The following NLGN4X variants were observed in gnomAD, a reference collection of about 807,000 sequenced individuals.
The protein encoded by NLGN4X is neuroligin 4 X-linked.
NLGN4X carries 3 observed loss-of-function variants against 40.3 expected under a neutral mutation model. The observed-to-expected ratio is 0.07, with a 90% CI of 0.03 to 0.19. The LOEUF is 0.19. Among genes scored for constraint, NLGN4X ranks in the 10% least tolerant of loss-of-function variants. The pLI, the probability that NLGN4X is intolerant of heterozygous loss-of-function variation, is 1.00. For missense variants in NLGN4X, 382 were observed against 708.3 expected (o/e 0.54, Z 5.23); for synonymous variants, 270 against 306.8 (o/e 0.88, Z 1.25).
At chrX:6,042,355 A>AAT (rs2037179956) in intron 2 of NLGN4X, among the ~76,000 whole-genome samples, 1 of 110,166 alleles carries the variant, frequency 9.1e-6, no homozygotes, top group South Asian at 3.9e-4. Context: ...AGCATTGTCT[A>AAT]ACTTTCCATA....
intron 4 of NLGN4X, among the ~76,000 whole-genome samples, chrX:5,907,200 A>G (rs1193877068): frequency 4.5e-5 from 5 of 112,192 alleles, no homozygotes; most frequent in African/African-American, 1.6e-4. Context: ...TGAGACGGCT[A>G]TTAGGAATAT....
At chrX:5,930,651 T>C (rs890010054) in intron 3 of NLGN4X, among the ~76,000 whole-genome samples, 1 of 112,399 alleles carries the variant, frequency 8.9e-6, no homozygotes, top group African/African-American at 3.2e-5. Flanking sequence ...ATCTCCAGGC[T>C]TGCAAATAAA....
intron 2 of NLGN4X, among the ~76,000 whole-genome samples, chrX:6,090,933 G>A (rs2038621966): frequency 9.8e-6 from 1 of 101,669 alleles, no homozygotes; most frequent in Non-Finnish European, 1.9e-5. Flanking sequence ...TGCCAAAGTT[G>A]ACAAATACTG....
Position 5,939,950 on chromosome X carries a change from C to G in NLGN4X, c.626-30711G>C, listed in dbSNP as rs772640125. ...TAAATGTCTTGCCAAGGTAAAACAGCATTTAAATACTGATGAGAGCCCAGA... is the reference window on the plus strand; with the variant it reads ...TAAATGTCTTGCCAAGGTAAAACAGGATTTAAATACTGATGAGAGCCCAGA... On this transcript the variant is annotated intron_variant, in intron 3 of 5. Transcript: ENST00000381095. Among the ~76,000 whole-genome samples, 6 of 111,133 alleles carry G rather than the reference C, an allele frequency of 5.4e-5. No homozygotes were observed. The South Asian group carries it at 2.3e-3, about 42-fold the overall frequency.
chrX:5,986,606 T>A (rs183363233), intron 3 of NLGN4X, among the ~76,000 whole-genome samples: 1,632 of 111,662 alleles, frequency 0.015, 24 homozygotes, highest in African/African-American at 0.051. Context: ...AATAAATCAT[T>A]AAAAACATGG....
intron 2 of NLGN4X, among the ~76,000 whole-genome samples, chrX:6,149,143 T>C (rs1372952720): frequency 8.9e-6 from 1 of 112,409 alleles, no homozygotes; most frequent in African/African-American, 3.2e-5. Context: ...ATTCCTCAAA[T>C]TTTAATTCAA....
chrX:6,013,158 T>G (rs1304725019), intron 3 of NLGN4X, among the ~76,000 whole-genome samples: 2 of 111,906 alleles, frequency 1.8e-5, no homozygotes, highest in Non-Finnish European at 3.8e-5. Flanking sequence ...TATAAAGATA[T>G]GTAGATTTTT....
At chrX:6,061,296 G>C (rs1176776181) in intron 2 of NLGN4X, among the ~76,000 whole-genome samples, 5 of 110,674 alleles carry the variant, frequency 4.5e-5, no homozygotes, top group Non-Finnish European at 9.4e-5. Context: ...TGCCATTTTA[G>C]GGATATTTGT....
chrX:5,921,883 C>T (rs1014779086), intron 3 of NLGN4X, among the ~76,000 whole-genome samples: 2 of 111,083 alleles, frequency 1.8e-5, no homozygotes, highest in Middle Eastern at 4.7e-3. Context: ...TGAAGGCTGC[C>T]GTGACACATA....
chrX:6,218,474 C>CACA (rs1556012458), intron 1 of NLGN4X, among the ~76,000 whole-genome samples: 4 of 46,989 alleles, frequency 8.5e-5, no homozygotes, highest in Admixed American at 2.5e-4. Flanking sequence ...GAGATTAAAC[C>CACA]CACACACACA....
rs992641455 is a variant in NLGN4X at position 5,892,434 on chromosome X, A to G, written c.*383T>C. 2.0e-5 allele frequency: 4 copies of G among 202,927 alleles called. No homozygotes were observed. The highest frequency in any genetic ancestry group is 1.2e-4 in the African/African-American group (4 of 34,186). 16.7% of individuals were successfully genotyped at this position (202,927 alleles called of 1,213,427 possible). On this transcript the variant is annotated 3_prime_UTR_variant, in exon 6 of 6. Coordinates refer to ENST00000381095, the MANE Select transcript of NLGN4X (RefSeq NM_181332.3). ...TAAACTTCCATTGTAATTAAAAAAT[A>G]TCAAGTGTCCTTGGCTGAGTTTCAG...
chrX:5,902,305 C>T (rs2031914363), intron 5 of NLGN4X, among the ~76,000 whole-genome samples: 1 of 111,066 alleles, frequency 9.0e-6, no homozygotes, highest in African/African-American at 3.3e-5. Context: ...GGGAGGATCC[C>T]TTGAGCCCAG....
chrX:6,067,336 G>T (rs1038778484), intron 2 of NLGN4X, among the ~76,000 whole-genome samples: 1 of 110,503 alleles, frequency 9.0e-6, no homozygotes, highest in East Asian at 2.9e-4. Context: ...TTTTCTTCCA[G>T]TGGTTTTCCT....
At chrX:5,921,587 G>A (rs1448317129) in intron 3 of NLGN4X, among the ~76,000 whole-genome samples, 1 of 110,990 alleles carries the variant, frequency 9.0e-6, no homozygotes, top group African/African-American at 3.3e-5. Flanking sequence ...CAGCCCCTAT[G>A]GTACCAACAG....
chrX:5,890,522 C>T lies in NLGN4X; in HGVS notation c.*2295G>A. On this transcript the variant is annotated 3_prime_UTR_variant, in exon 6 of 6. Transcript: ENST00000381095. ...GAAATACTAAACAAATACTGGAATTCACATTACAGACAGACGAAACCAACA... is the reference window on the plus strand; with the variant it reads ...GAAATACTAAACAAATACTGGAATTTACATTACAGACAGACGAAACCAACA... 2 of 313,618 alleles carry T rather than the reference C, an allele frequency of 6.4e-6. No individual in the cohort carries two copies. Among genetic ancestry groups the T allele is most frequent in the Non-Finnish European group, 1.2e-5 (2 of 163,728 alleles). The allele number at this position is 313,618 out of a possible 1,213,427, so 25.8% of individuals were successfully genotyped here. A position where few individuals can be genotyped will look rare whatever the true frequency, so the allele number is the denominator to read the frequency against.
At chrX:5,983,456 G>T (rs1451433786) in intron 3 of NLGN4X, among the ~76,000 whole-genome samples, 5 of 112,046 alleles carry the variant, frequency 4.5e-5, no homozygotes, top group Non-Finnish European at 9.4e-5. Context: ...GAAAACATCT[G>T]CAGGGAATAA....
At chrX:6,040,959 T>C (rs963687520) in intron 2 of NLGN4X, among the ~76,000 whole-genome samples, 5 of 111,609 alleles carry the variant, frequency 4.5e-5, no homozygotes, top group Admixed American at 1.9e-4. Flanking sequence ...TATGGTACCA[T>C]TTAGTGGTCA....
At position 6,002,903 on chromosome X, in the gene NLGN4X, G is replaced by T. The variant is rs1302669678; in HGVS notation, c.625+26377C>A. ...GACAGCTTGATGGCATAGCTTTGGA[G>T]AAGATTCTGGCCGGGGATGACGGGA... On this transcript the variant is annotated intron_variant, in intron 3 of 5. Transcript: ENST00000381095. Among the ~76,000 whole-genome samples the T allele has an allele frequency of 6.3e-5, 7 of 111,870 alleles. No individual in the cohort carries two copies. The East Asian group carries it at 2.0e-3, about 32-fold the overall frequency.
intron 3 of NLGN4X, among the ~76,000 whole-genome samples, chrX:5,920,971 C>T (rs745321041): frequency 1.8e-5 from 2 of 110,058 alleles, no homozygotes; most frequent in Admixed American, 1.9e-4. Flanking sequence ...AAGAAGACAA[C>T]GGCTGGGTGG....
Sources: gnomAD v4.1 joint callset for allele counts (sites outside exome capture counted in the v4.1 genomes callset) on GRCh38, gnomAD v4.1.1 for gene constraint, MANE v1.5 for transcripts, NCBI Gene and HGNC (gene_info 2026-07-23, HGNC 2026-07-21) for gene names.